Variants in ATP13A4 observed in about 807,000 individuals in gnomAD.
The protein encoded by ATP13A4 is ATPase 13A4.
Under a neutral mutation model 142.5 loss-of-function variants are expected in ATP13A4, and 114 were observed. That is an observed-to-expected ratio of 0.80 (90% CI 0.69 to 0.93). The LOEUF (loss-of-function observed/expected upper bound fraction) is 0.93. Among genes scored for constraint, ATP13A4 ranks in the 40% least tolerant of loss-of-function variants. ATP13A4 has a pLI of 0.00. For synonymous variants in ATP13A4, 488 were observed against 514.8 expected (o/e 0.95, Z 0.70); for missense variants, 1,392 against 1,454.0 (o/e 0.96, Z 0.69).
At chr3:193,546,080 G>A (rs1444306047) in intron 1 of ATP13A4, among the ~76,000 whole-genome samples, 1 of 150,648 alleles carries the variant, frequency 6.6e-6, no homozygotes, top group East Asian at 2.0e-4. Flanking sequence ...ATCCAGTAAG[G>A]TATTATTATT....
chr3:193,576,249 C>CTTTTTTTTTTTTTTTTT (rs59910562), intron 2 of ATP13A4, among the ~76,000 whole-genome samples: 1 of 54,364 alleles, frequency 1.8e-5, no homozygotes, highest in Non-Finnish European at 3.3e-5. Flanking sequence ...TTGAATCAAT[C>CTTTTTTTTTTTTTTTTT]TTTTTTTTTT....
intron 25 of ATP13A4, among the ~76,000 whole-genome samples, chr3:193,415,413 C>A (rs945812693): frequency 1.3e-5 from 2 of 152,132 alleles, no homozygotes; most frequent in African/African-American, 4.8e-5. Flanking sequence ...TATACTGCAA[C>A]CAAGTGAACA....
At chr3:193,485,564 G>A (rs1450833269) in intron 7 of ATP13A4, among the ~76,000 whole-genome samples, 4 of 151,592 alleles carry the variant, frequency 2.6e-5, no homozygotes, top group South Asian at 2.1e-4. Flanking sequence ...TCCAATTGTC[G>A]GAAATAAAAA....
chr3:193,533,863 C>T (rs1722454381), intron 1 of ATP13A4, among the ~76,000 whole-genome samples: 1 of 152,146 alleles, frequency 6.6e-6, no homozygotes, highest in Non-Finnish European at 1.5e-5. Context: ...ATGAACACCC[C>T]ACTCCCTGTG....
chr3:193,440,434 C>G, intron 21 of ATP13A4, 124 bp downstream of exon 21: 1 of 1,528,358 alleles, frequency 6.5e-7, no homozygotes, highest in Non-Finnish European at 8.9e-7. Flanking sequence ...AAGTGATTAT[C>G]TCATGCAGCC....
intron 28 of ATP13A4, among the ~76,000 whole-genome samples, chr3:193,408,121 C>T (rs547459267): frequency 6.6e-6 from 1 of 152,222 alleles, no homozygotes; most frequent in African/African-American, 2.4e-5. Context: ...GAAAAAGTGC[C>T]AAGGGCATCC....
intron 13 of ATP13A4, among the ~76,000 whole-genome samples, chr3:193,459,785 C>T (rs1025531657): frequency 3.3e-5 from 5 of 152,138 alleles, no homozygotes; most frequent in Non-Finnish European, 5.9e-5. Context: ...TCCACCCTGG[C>T]CTCTTGTGTC....
At chr3:193,502,319 G>A (rs1720595047) in intron 3 of ATP13A4, among the ~76,000 whole-genome samples, 174 bp downstream of exon 3, 1 of 152,194 alleles carries the variant, frequency 6.6e-6, no homozygotes, top group Admixed American at 6.5e-5. Context: ...ATCAATGGTT[G>A]CGCTATTTAG....
At position 193,459,217 on chromosome 3, in the gene ATP13A4, T is replaced by TG; in HGVS notation, c.1537dup (p.His513ProfsTer28). 6.2e-7 allele frequency: 1 copy of TG among 1,614,248 alleles called. No homozygotes were observed. Among genetic ancestry groups the TG allele is most frequent in the Non-Finnish European group, 8.5e-7 (1 of 1,180,040 alleles). On this transcript the variant is annotated frameshift_variant, in exon 14 of 30. Transcript: ENST00000342695. LOFTEE classifies it high-confidence loss of function. ...CAAAGCCTGGCCTGAGGCAAAGCTG[T>TG]GAACTTCCTGAAAGCTTAAGGAGAA... is the stretch of plus-strand genomic sequence containing the variant.
At chr3:193,551,463 A>G (rs1723559395) in intron 1 of ATP13A4, among the ~76,000 whole-genome samples, 1 of 152,220 alleles carries the variant, frequency 6.6e-6, no homozygotes, top group South Asian at 2.1e-4. Flanking sequence ...CTGAATGGCA[A>G]GAGATGACCT....
At chr3:193,583,067 T>C (rs1724601055) in intron 1 of ATP13A4, among the ~76,000 whole-genome samples, 1 of 149,426 alleles carries the variant, frequency 6.7e-6, no homozygotes, top group African/African-American at 2.5e-5. Context: ...CTAGCCAGTA[T>C]CATAAAGGAA....
intron 2 of ATP13A4, among the ~76,000 whole-genome samples, chr3:193,567,560 T>C (rs1377914153): frequency 6.6e-6 from 1 of 152,184 alleles, no homozygotes; most frequent in Admixed American, 6.5e-5. Flanking sequence ...CCCAGAAATG[T>C]AAGAGAGTTT....
rs1006736737 is a variant in ATP13A4 at position 193,401,703 on chromosome 3, T to G, written c.*949A>C. Among the ~76,000 whole-genome samples, 2 of 152,126 alleles carry G rather than the reference T, an allele frequency of 1.3e-5. No individual in the cohort carries two copies. The highest frequency in any genetic ancestry group is 4.8e-5 in the African/African-American group (2 of 41,426). On this transcript the variant is annotated 3_prime_UTR_variant, in exon 30 of 30. Transcript: ENST00000342695. Reference sequence around the variant, plus strand: ...AATATGGGGACCCCTGTTCAAAAATTAAGAATTTTAAGATGGAAACAGCAG... The same window carrying G: ...AATATGGGGACCCCTGTTCAAAAATGAAGAATTTTAAGATGGAAACAGCAG...
intron 2 of ATP13A4, among the ~76,000 whole-genome samples, chr3:193,510,419 C>T (rs941617406): frequency 2.6e-5 from 4 of 151,970 alleles, no homozygotes; most frequent in African/African-American, 7.3e-5. Flanking sequence ...ATGTAACCTA[C>T]GATGACAATG....
intron 2 of ATP13A4, among the ~76,000 whole-genome samples, 173 bp from the exon 3 acceptor site, chr3:193,502,812 GA>G (rs1272232468): frequency 6.6e-6 from 1 of 152,178 alleles, no homozygotes; most frequent in Non-Finnish European, 1.5e-5. Context: ...GAGGGAAAAA[GA>G]CCTGTCATCA....
chr3:193,492,602 C>A (rs1368138992), intron 5 of ATP13A4, among the ~76,000 whole-genome samples: 3 of 152,066 alleles, frequency 2.0e-5, no homozygotes, highest in Non-Finnish European at 4.4e-5. Context: ...CATCTGCAGT[C>A]AGGAGTGTGG....
intron 25 of ATP13A4, among the ~76,000 whole-genome samples, chr3:193,420,767 G>A (rs1432768316): frequency 6.7e-6 from 1 of 149,074 alleles, no homozygotes; most frequent in Non-Finnish European, 1.5e-5. Context: ...TGAATGAAAT[G>A]AAAAAAATTA....
At position 193,437,825 on chromosome 3, in the gene ATP13A4, A is replaced by ATTTT. The variant is rs372139378; in HGVS notation, c.2672+646_2672+649dup. On this transcript the variant is annotated intron_variant, in intron 23 of 29. Transcript: ENST00000342695. Reference sequence around the variant, plus strand: ...GTGAGAGCAGCAAAAGCCAATAAAGATTTTTTTTTTTTTTTTTTTTTTTTG... The same window carrying ATTTT: ...GTGAGAGCAGCAAAAGCCAATAAAGATTTTTTTTTTTTTTTTTTTTTTTTTTTTG... Among the ~76,000 whole-genome samples the ATTTT allele has an allele frequency of 1.3e-3, 138 of 102,932 alleles. 1 individual carries two copies. Among genetic ancestry groups the ATTTT allele is most frequent in the African/African-American group, 2.8e-3 (74 of 26,464 alleles). 67.5% of individuals were successfully genotyped at this position (102,932 alleles called of 152,430 possible).
At chr3:193,549,170 T>C (rs554131918) in intron 1 of ATP13A4, among the ~76,000 whole-genome samples, 1 of 152,274 alleles carries the variant, frequency 6.6e-6, no homozygotes, top group African/African-American at 2.4e-5. Context: ...GAAGGGTAAT[T>C]TGGCATGATG....
Sources: allele counts gnomAD v4.1 joint callset (sites outside exome capture counted in the v4.1 genomes callset), GRCh38; gene constraint gnomAD v4.1.1; transcripts MANE v1.5; gene names NCBI Gene and HGNC (gene_info 2026-07-23, HGNC 2026-07-21).